Variants in MYO16 observed in about 807,000 individuals in gnomAD.
The protein encoded by MYO16 is unconventional myosin-XVI.
A neutral mutation model predicts 205.3 loss-of-function variants in MYO16; 94 were observed. The observed-to-expected ratio is 0.46, with a 90% CI of 0.39 to 0.54. The LOEUF (loss-of-function observed/expected upper bound fraction) is 0.54. MYO16 is among the 20% of genes least tolerant of loss of function. The pLI is 0.00. For synonymous variants in MYO16, 988 were observed against 954.0 expected (o/e 1.04, Z -0.66); for missense variants, 2,315 against 2,387.5 (o/e 0.97, Z 0.63).
At chr13:108,607,754 T>C (rs1245608751) in intron 1 of MYO16, among the ~76,000 whole-genome samples, 1 of 152,206 alleles carries the variant, frequency 6.6e-6, no homozygotes, top group African/African-American at 2.4e-5. Flanking sequence ...CACTGCCTCT[T>C]GTGGAGCTTT....
intron 2 of MYO16, among the ~76,000 whole-genome samples, chr13:108,687,407 A>G (rs1882721729): frequency 6.6e-6 from 1 of 152,210 alleles, no homozygotes. Context: ...ACCTTAAACC[A>G]GACCAGGCTT....
chr13:109,033,535 C>G (rs537469183), intron 23 of MYO16, among the ~76,000 whole-genome samples: 19 of 152,254 alleles, frequency 1.2e-4, no homozygotes, highest in Non-Finnish European at 2.4e-4. Flanking sequence ...AGCAACAAGA[C>G]AGAGTAGACA....
At position 109,055,619 on chromosome 13, in the gene MYO16, C is replaced by T. The variant is rs998997987; in HGVS notation, c.3335+24C>T. ...AGGTAAATTCTTCTGCTCTTAAAAT[C>T]GTCGTTCTCGCTGCTGTTCAGTGCA... On this transcript the variant is annotated intron_variant, in intron 27 of 34. Coordinates refer to ENST00000457511, the MANE Select transcript of MYO16 (RefSeq NM_001198950.3). The surrounding 1 kb of genome is among the most constrained non-coding windows in gnomAD (Gnocchi z 5.0). 15 of 1,587,198 alleles carry T rather than the reference C, an allele frequency of 9.5e-6. No individual in the cohort carries two copies. The highest frequency in any genetic ancestry group is 5.5e-5 in the South Asian group (5 of 90,672).
intron 2 of MYO16, among the ~76,000 whole-genome samples, chr13:108,672,127 A>G (rs1882015173): frequency 6.6e-6 from 1 of 152,196 alleles, no homozygotes; most frequent in Non-Finnish European, 1.5e-5. Context: ...TGAATTTCTT[A>G]CAATTTAAGA....
Position 108,681,362 on chromosome 13 carries a change from T to C in MYO16, c.292+15213T>C, listed in dbSNP as rs1594204477. Among the ~76,000 whole-genome samples the C allele has an allele frequency of 2.6e-5, 4 of 152,216 alleles. No homozygotes were observed. The East Asian group carries it at 5.8e-4, about 22-fold the overall frequency. ...GCATGTGACTCGGTGCCTAAAGTGA[T>C]GCTTGTAACTTTTACATCATCCTTC... On this transcript the variant is annotated intron_variant, in intron 2 of 34. Coordinates refer to ENST00000457511, the MANE Select transcript of MYO16 (RefSeq NM_001198950.3).
the MYO16 span, among the ~76,000 whole-genome samples, chr13:108,523,946 T>A: frequency 6.6e-6 from 1 of 152,220 alleles, no homozygotes; most frequent in Non-Finnish European, 1.5e-5. Flanking sequence ...TTTAGCACCA[T>A]CCTTTTGGTG....
Position 108,899,225 on chromosome 13 carries a change from A to C in MYO16, c.1777+1092A>C, listed in dbSNP as rs565764881. ...GATTTCCTGAGGTCAGGAGTTTGAG[A>C]CCAGCCTGACTAACATGGAGAAACC... On this transcript the variant is annotated intron_variant, in intron 15 of 34. Transcript: ENST00000457511. Among the ~76,000 whole-genome samples, 4 of 152,178 alleles carry C rather than the reference A, an allele frequency of 2.6e-5. No homozygotes were observed. In the South Asian group the frequency reaches 8.3e-4, roughly 32 times the overall value.
intron 2 of MYO16, among the ~76,000 whole-genome samples, chr13:108,710,280 A>G (rs1156463191): frequency 6.6e-6 from 1 of 152,248 alleles, no homozygotes; most frequent in Non-Finnish European, 1.5e-5. Flanking sequence ...AAGCAAAGGT[A>G]ATAAAGATTC....
intron 1 of MYO16, among the ~76,000 whole-genome samples, chr13:108,636,681 A>G (rs1880268347): frequency 6.6e-6 from 1 of 151,982 alleles, no homozygotes; most frequent in South Asian, 2.1e-4. Context: ...CCTGGCCCCA[A>G]GTTGTTTTTA....
intron 10 of MYO16, among the ~76,000 whole-genome samples, chr13:108,854,834 A>G (rs1878082432): frequency 6.6e-6 from 1 of 152,216 alleles, no homozygotes; most frequent in Non-Finnish European, 1.5e-5. Context: ...TTAAACATTC[A>G]TGGCATATTA....
chr13:108,579,750 C>CTTTTTTTG, the MYO16 span, among the ~76,000 whole-genome samples: 5 of 151,972 alleles, frequency 3.3e-5, no homozygotes, highest in African/African-American at 1.2e-4. Context: ...GGCAAGCTTT[C>CTTTTTTTG]TTTTTTTGTT....
chr13:109,197,764 T>C (rs911671524), intron 34 of MYO16, among the ~76,000 whole-genome samples: 12 of 152,228 alleles, frequency 7.9e-5, no homozygotes, highest in Admixed American at 2.6e-4. Context: ...CTCTTTACTC[T>C]TTGAGCTTTC....
rs756248996 is a variant in MYO16, at chr13:109,120,466, G to T, written c.3535G>T (p.Val1179Phe). ...GAGAAAAATTATAACCTGCCAAAAA[G>T]GTAACATTTATATGCCAACATTTCT... ...LQRKIITCQKVIRGFLARQHL... is the reference protein window; with the variant it reads ...LQRKIITCQKFIRGFLARQHL... The change falls in exon 29 of 35, where the codon GTT (valine) becomes TTT (phenylalanine). Residue 1179 changes from valine to phenylalanine, a missense_variant and splice_region_variant. Coordinates refer to ENST00000457511, the MANE Select transcript of MYO16 (RefSeq NM_001198950.3). The T allele has an allele frequency of 1.9e-6, 3 of 1,604,340 alleles. No homozygotes were observed. The highest frequency in any genetic ancestry group is 2.6e-6 in the Non-Finnish European group (3 of 1,173,826).
chr13:109,039,422 G>A (rs941948946), intron 23 of MYO16, among the ~76,000 whole-genome samples: 24 of 152,274 alleles, frequency 1.6e-4, no homozygotes, highest in African/African-American at 5.3e-4. Context: ...CATGGGACAT[G>A]TGTCCAGATG....
chr13:108,659,665 T>C (rs1451171651), intron 1 of MYO16, among the ~76,000 whole-genome samples: 1 of 152,168 alleles, frequency 6.6e-6, no homozygotes, highest in Admixed American at 6.5e-5. Flanking sequence ...GGACTAAGCA[T>C]TTATCTGCCA....
chr13:108,646,953 A>G (rs1300177520), intron 1 of MYO16, among the ~76,000 whole-genome samples: 1 of 152,136 alleles, frequency 6.6e-6, no homozygotes, highest in Non-Finnish European at 1.5e-5. Flanking sequence ...TACTTGAAGC[A>G]TTGTCAGCGA....
intron 32 of MYO16, among the ~76,000 whole-genome samples, chr13:109,153,152 C>T (rs1008318155): frequency 5.3e-5 from 8 of 152,260 alleles, no homozygotes; most frequent in African/African-American, 1.2e-4. Context: ...TTTTAAAGTG[C>T]GTGTCATGAC....
intron 10 of MYO16, among the ~76,000 whole-genome samples, chr13:108,852,040 A>G (rs980161106): frequency 6.6e-6 from 1 of 151,976 alleles, no homozygotes; most frequent in Non-Finnish European, 1.5e-5. Context: ...TCCCAGAGAC[A>G]TCTCTCCCCA....
chr13:109,090,794 G>GA (rs1888596363), intron 27 of MYO16, among the ~76,000 whole-genome samples: 1 of 152,120 alleles, frequency 6.6e-6, no homozygotes, highest in South Asian at 2.1e-4. Context: ...TTCCTTAAAA[G>GA]AAAAAATAAC....
Sources: allele counts gnomAD v4.1 joint callset (sites outside exome capture counted in the v4.1 genomes callset), GRCh38; gene constraint gnomAD v4.1.1; non-coding constraint Gnocchi (gnomAD v3.1); transcripts MANE v1.5; gene names NCBI Gene and HGNC (gene_info 2026-07-23, HGNC 2026-07-21).